RBFOX1: variants seen among roughly 807,000 people sequenced by gnomAD.
The protein encoded by RBFOX1 is RNA binding fox-1 homolog 1, also known as RNA binding protein fox-1 homolog 1.
Under a neutral mutation model 57.7 loss-of-function variants are expected in RBFOX1, and 8 were observed. The ratio of observed to expected loss-of-function variants is 0.14; its 90% CI spans 0.08 to 0.25. The LOEUF is 0.25. Ranked by LOEUF, RBFOX1 falls within the 10% of genes least tolerant of loss-of-function variation. The pLI, the probability that RBFOX1 is intolerant of heterozygous loss-of-function variation, is 1.00. For missense variants in RBFOX1, 611 were observed against 548.5 expected, an observed-to-expected ratio of 1.11 and a Z score of -1.14; for synonymous variants, 326 against 222.4, an observed-to-expected ratio of 1.47 and a Z score of -4.15.
intron 3 of RBFOX1, among the ~76,000 whole-genome samples, chr16:7,006,985 G>C (rs1216561721): frequency 1.3e-5 from 2 of 152,076 alleles, no homozygotes; most frequent in Admixed American, 6.6e-5. Flanking sequence ...CCACACATTT[G>C]GCACCTTGAA....
intron 3 of RBFOX1, among the ~76,000 whole-genome samples, chr16:6,751,046 G>T (rs979735695): frequency 2.0e-5 from 3 of 152,154 alleles, no homozygotes; most frequent in Non-Finnish European, 4.4e-5. Flanking sequence ...ATGTGGGAAA[G>T]AACTAAAAGG....
intron 3 of RBFOX1, among the ~76,000 whole-genome samples, chr16:6,939,754 A>C (rs1226817885): frequency 2.0e-5 from 3 of 152,036 alleles, no homozygotes; most frequent in African/African-American, 7.2e-5. Context: ...TCAAATGATC[A>C]GCCTGCCTTG....
intron 2 of RBFOX1, among the ~76,000 whole-genome samples, chr16:5,593,020 A>G (rs1433740974): frequency 6.6e-6 from 1 of 152,188 alleles, no homozygotes; most frequent in Non-Finnish European, 1.5e-5. Flanking sequence ...AGTGTGAGAT[A>G]GGAAGTCAGC....
At position 7,218,667 on chromosome 16, in the gene RBFOX1, T is replaced by TGTGTGTGTGTGTGTGC. The variant is rs1555586816; in HGVS notation, c.27+166583_27+166584insGCGTGTGTGTGTGTGT. Among the ~76,000 whole-genome samples, 102 of 148,196 alleles carry TGTGTGTGTGTGTGTGC rather than the reference T, an allele frequency of 6.9e-4. 1 individual carries two copies. Among genetic ancestry groups the TGTGTGTGTGTGTGTGC allele is most frequent in the African/African-American group, 2.4e-3 (94 of 39,632 alleles). On this transcript the variant is annotated intron_variant, in intron 4 of 15. Coordinates refer to ENST00000550418, the MANE Select transcript of RBFOX1 (RefSeq NM_018723.4). ...GTGTGTGTGTGTGTGTGTGTGTGTGTGTGTGTGTGTGTGTCCTTTTGTTCC... is the reference window on the plus strand; with the variant it reads ...GTGTGTGTGTGTGTGTGTGTGTGTGTGTGTGTGTGTGTGTGCGTGTGTGTGTGTGTCCTTTTGTTCC...
intron 3 of RBFOX1, among the ~76,000 whole-genome samples, chr16:5,813,911 AT>A (rs2151786260): frequency 6.6e-6 from 1 of 152,346 alleles, no homozygotes; most frequent in African/African-American, 2.4e-5. Flanking sequence ...AATAGATGAA[AT>A]TTTAGGATTG....
chr16:7,269,570 A>T (rs13334165), intron 4 of RBFOX1, among the ~76,000 whole-genome samples: 1 of 152,034 alleles, frequency 6.6e-6, no homozygotes, highest in South Asian at 2.1e-4. Flanking sequence ...AAATGTGAAC[A>T]TTTTACCATG....
At chr16:5,820,674 C>T (rs568027711) in intron 3 of RBFOX1, among the ~76,000 whole-genome samples, 47 of 152,272 alleles carry the variant, frequency 3.1e-4, no homozygotes, top group African/African-American at 8.2e-4. Flanking sequence ...CTCTGAAGTG[C>T]GTCACAGCGT....
intron 3 of RBFOX1, among the ~76,000 whole-genome samples, chr16:5,674,564 G>C (rs1252612044): frequency 3.9e-5 from 6 of 152,180 alleles, no homozygotes; most frequent in Admixed American, 2.0e-4. Context: ...TCCTGGCAGA[G>C]CCCAGGTTCT....
intron 4 of RBFOX1, among the ~76,000 whole-genome samples, chr16:7,112,679 G>T (rs8059471): frequency 0.025 from 3,612 of 141,848 alleles, 140 homozygotes; most frequent in African/African-American, 0.065. Flanking sequence ...TGTGTGTGTG[G>T]GTGTGGGTGT....
chr16:6,416,781 C>G lies in RBFOX1; in HGVS notation c.-64+99724C>G, dbSNP rs561835558. Among the ~76,000 whole-genome samples the G allele has an allele frequency of 2.0e-4, 30 of 152,256 alleles. No individual in the cohort carries two copies. The South Asian group carries it at 4.1e-3, about 21-fold the overall frequency. ...CTAATAACATACCTTACAGGATACACGGATACATCAAACAGGTTGCAGTGC... is the reference window on the plus strand; with the variant it reads ...CTAATAACATACCTTACAGGATACAGGGATACATCAAACAGGTTGCAGTGC... On this transcript the variant is annotated intron_variant, in intron 2 of 15. Transcript: ENST00000550418.
At chr16:7,091,632 G>T (rs1432243512) in intron 4 of RBFOX1, among the ~76,000 whole-genome samples, 3 of 152,110 alleles carry the variant, frequency 2.0e-5, no homozygotes, top group Non-Finnish European at 4.4e-5. Flanking sequence ...CCACCACCCA[G>T]ACAGCTCCAG....
At chr16:6,216,889 C>G (rs77699493) in intron 1 of RBFOX1, among the ~76,000 whole-genome samples, 29,392 of 151,414 alleles carry the variant, frequency 0.19, 3,467 homozygotes, top group East Asian at 0.34. Flanking sequence ...TTTCCGCTCT[C>G]CCTTGGAAGC....
chr16:6,158,464 T>G (rs2096854278), intron 1 of RBFOX1, among the ~76,000 whole-genome samples: 1 of 152,230 alleles, frequency 6.6e-6, no homozygotes. Flanking sequence ...AGAATCTCAT[T>G]TGATTTTTAT....
intron 10 of RBFOX1, among the ~76,000 whole-genome samples, chr16:7,609,205 T>C (rs1213900047): frequency 6.6e-6 from 1 of 152,176 alleles, no homozygotes; most frequent in Non-Finnish European, 1.5e-5. Flanking sequence ...CAGCCTAAAA[T>C]AGTCCAGTGA....
At chr16:7,171,533 A>T (rs2080703712) in intron 4 of RBFOX1, among the ~76,000 whole-genome samples, 1 of 152,230 alleles carries the variant, frequency 6.6e-6, no homozygotes, top group Non-Finnish European at 1.5e-5. Context: ...ATTCAGCACA[A>T]GGGGTAAAAC....
chr16:7,277,027 A>G (rs17738758), intron 4 of RBFOX1, among the ~76,000 whole-genome samples: 1 of 152,274 alleles, frequency 6.6e-6, no homozygotes, highest in East Asian at 1.9e-4. Context: ...TTATTTTTAC[A>G]GAAAGAAATG....
intron 3 of RBFOX1, among the ~76,000 whole-genome samples, chr16:7,051,620 A>T (rs1265781726): frequency 1.3e-5 from 2 of 152,198 alleles, no homozygotes; most frequent in African/African-American, 4.8e-5. Context: ...AACTGACACT[A>T]CTGGCCCTAA....
chr16:6,109,160 T>A (rs1597385375), intron 1 of RBFOX1, among the ~76,000 whole-genome samples: 1 of 152,224 alleles, frequency 6.6e-6, no homozygotes, highest in Non-Finnish European at 1.5e-5. Flanking sequence ...GGGCGTTTTC[T>A]GAATCGTGGC....
At chr16:7,605,472 G>A (rs371998663) in intron 9 of RBFOX1, among the ~76,000 whole-genome samples, 1 of 152,062 alleles carries the variant, frequency 6.6e-6, no homozygotes, top group Non-Finnish European at 1.5e-5. Context: ...AGATCATCCC[G>A]GGGGCTGTAA....
Sources: allele counts gnomAD v4.1 joint callset (sites outside exome capture counted in the v4.1 genomes callset), GRCh38; gene constraint gnomAD v4.1.1; transcripts MANE v1.5; gene names NCBI Gene and HGNC (gene_info 2026-07-23, HGNC 2026-07-21).